The following UBA6 variants were observed in gnomAD, a reference collection of about 807,000 sequenced individuals.
The protein encoded by UBA6 is ubiquitin-like modifier-activating enzyme 6.
Under a neutral mutation model 148.3 loss-of-function variants are expected in UBA6, and 87 were observed. That is an observed-to-expected ratio of 0.59 (90% confidence interval 0.49 to 0.70). UBA6 has a LOEUF of 0.70. Ranked by LOEUF, UBA6 falls within the 30% of genes least tolerant of loss-of-function variation. The probability of loss-of-function intolerance (pLI) is 0.00; values close to 1 mark genes in which losing one functional copy is unlikely to be tolerated. For missense variants in UBA6, 1,186 were observed against 1,241.2 expected (o/e 0.96, Z 0.67); for synonymous variants, 376 against 401.0 (o/e 0.94, Z 0.75).
chr4:67,665,112 A>C, intron 10 of UBA6, 77 bp downstream of exon 10: 1 of 776,744 alleles, frequency 1.3e-6, no homozygotes, highest in Non-Finnish European at 2.0e-6. Context: ...TGTTTGGTTA[A>C]CTGAGTAGTT....
chr4:67,633,318 T>G, intron 23 of UBA6, 27 bp downstream of exon 23: 1 of 1,548,950 alleles, frequency 6.5e-7, no homozygotes. Context: ...TCAGACCTTT[T>G]CTTAATGTCT....
intron 17 of UBA6, among the ~76,000 whole-genome samples, chr4:67,642,963 C>T (rs1384617952): frequency 1.3e-5 from 2 of 151,824 alleles, no homozygotes; most frequent in Middle Eastern, 3.2e-3. Flanking sequence ...TGTCCATTCT[C>T]ACCTCAGTTA....
At chr4:67,672,204 C>G (rs753402401) in intron 7 of UBA6, among the ~76,000 whole-genome samples, 2 of 152,014 alleles carry the variant, frequency 1.3e-5, no homozygotes, top group African/African-American at 4.8e-5. Flanking sequence ...TTATTGAGGA[C>G]CCAAAGAGCT....
At chr4:67,698,572 C>G (rs1730895441) in intron 1 of UBA6, among the ~76,000 whole-genome samples, 1 of 152,178 alleles carries the variant, frequency 6.6e-6, no homozygotes, top group Non-Finnish European at 1.5e-5. Context: ...GCAAATGGCA[C>G]TGCCAGGATC....
chr4:67,656,507 C>G (rs1368779554), intron 13 of UBA6, among the ~76,000 whole-genome samples: 1 of 152,126 alleles, frequency 6.6e-6, no homozygotes, highest in African/African-American at 2.4e-5. Context: ...TCTCAATGAA[C>G]TAGGTATTGA....
chr4:67,680,762 G>A (rs1193104791), intron 4 of UBA6, among the ~76,000 whole-genome samples: 4 of 152,232 alleles, frequency 2.6e-5, no homozygotes, highest in Non-Finnish European at 4.4e-5. Flanking sequence ...GACTTGTCTT[G>A]TTAACACACT....
intron 13 of UBA6, among the ~76,000 whole-genome samples, chr4:67,655,397 G>A (rs915835795): frequency 5.9e-5 from 9 of 152,184 alleles, no homozygotes; most frequent in East Asian, 1.9e-4. Flanking sequence ...ACTCAAAACC[G>A]CACAACTACA....
rs1384546253 is a variant in UBA6, at chr4:67,668,458, T to TAGAGAGACATGTCAA, written c.793+92_793+93insTTGACATGTCTCTCT. ...GAGGCCAAGGGCTTTGGATCATGTCTCTCTGAGTTGACATTCTGTTCCCAA... is the reference window on the plus strand; with the variant it reads ...GAGGCCAAGGGCTTTGGATCATGTCTAGAGAGACATGTCAACTCTGAGTTGACATTCTGTTCCCAA... On this transcript the variant is annotated intron_variant, in intron 9 of 32. Coordinates refer to ENST00000322244, the MANE Select transcript of UBA6 (RefSeq NM_018227.6). The TAGAGAGACATGTCAA allele has an allele frequency of 5.7e-5, 69 of 1,213,616 alleles. No homozygotes were observed. In the African/African-American group the frequency reaches 9.6e-4, roughly 17 times the overall value. The allele number at this position is 1,213,616 out of a possible 1,614,324, so 75.2% of individuals were successfully genotyped here. A position where few individuals can be genotyped will look rare whatever the true frequency, so the allele number is the denominator to read the frequency against.
chr4:67,629,730 G>A (rs183557769), intron 26 of UBA6, among the ~76,000 whole-genome samples: 23 of 152,106 alleles, frequency 1.5e-4, no homozygotes, highest in Non-Finnish European at 2.2e-4. Context: ...TTCCCAAAAA[G>A]AATATCAGAC....
At chr4:67,638,887 A>G in intron 19 of UBA6, 56 bp downstream of exon 19, 1 of 1,328,150 alleles carries the variant, frequency 7.5e-7, no homozygotes, top group Admixed American at 1.9e-5. Flanking sequence ...GTAATGTGGG[A>G]AACAGAAGTG....
Position 67,682,205 on chromosome 4 carries a change from C to T in UBA6, c.143G>A (p.Arg48Lys), listed in dbSNP as rs1730459885. ...CATTGCTGTGTCTCCAAGAACGTAC[C>T]TCTGTCGACTACACGGAAAACACAA... is the stretch of plus-strand genomic sequence containing the variant. ...EIDDALYSRQ[R>K]YVLGDTAMQK... Residue 48 changes from arginine to lysine, a missense_variant, in exon 3 of 33, where the codon AGG becomes AAG. Physicochemically the swap from Arg to Lys is conservative, Grantham distance 26. Transcript: ENST00000322244. 1 of 1,612,906 alleles carries T rather than the reference C, an allele frequency of 6.2e-7. No homozygotes were observed. Among genetic ancestry groups the T allele is most frequent in the Admixed American group, 1.7e-5 (1 of 59,934 alleles).
chr4:67,688,985 TATG>T (rs1730633522), intron 2 of UBA6, among the ~76,000 whole-genome samples: 1 of 152,088 alleles, frequency 6.6e-6, no homozygotes, highest in South Asian at 2.1e-4. Flanking sequence ...GTTCCTGACT[TATG>T]ATGGTCTAAC....
intron 18 of UBA6, 64 bp downstream of exon 18, chr4:67,641,087 T>A: frequency 1.0e-6 from 1 of 997,940 alleles, no homozygotes; most frequent in Non-Finnish European, 1.5e-6. Context: ...ATTTTCTATT[T>A]ATTAAAAGGA....
At position 67,638,926 on chromosome 4, in the gene UBA6, G is replaced by T. The variant is rs1226371239; in HGVS notation, c.1736+17C>A. Reference sequence around the variant, plus strand: ...ACTAAAGACAATTCTGTAGGAACATGAATTTCAAGAACATACCTGTCTACG... The same window carrying T: ...ACTAAAGACAATTCTGTAGGAACATTAATTTCAAGAACATACCTGTCTACG... On this transcript the variant is annotated intron_variant, in intron 19 of 32. Transcript: ENST00000322244. 1.3e-6 allele frequency: 2 copies of T among 1,564,628 alleles called. No individual in the cohort carries two copies. Among genetic ancestry groups the T allele is most frequent in the Non-Finnish European group, 1.7e-6 (2 of 1,148,080 alleles).
At chr4:67,661,977 C>A in intron 13 of UBA6, 2 of 462,000 alleles carry the variant, frequency 4.3e-6, no homozygotes, top group Non-Finnish European at 7.6e-6. Flanking sequence ...AAGTACTTTA[C>A]AAAATTAAAT....
intron 1 of UBA6, among the ~76,000 whole-genome samples, chr4:67,698,478 A>C (rs78579441): frequency 1.4e-3 from 217 of 152,342 alleles, no homozygotes; most frequent in African/African-American, 4.9e-3. Context: ...ACAGTGGGCA[A>C]GCACTATTGC....
rs758231247 is a variant in UBA6, at chr4:67,622,866, A to G, written c.2988T>C (p.Pro996=). 4.3e-6 allele frequency: 7 copies of G among 1,613,222 alleles called. No homozygotes were observed. The East Asian group carries it at 1.6e-4, about 36-fold the overall frequency. ...ATCTTTTTGCATGACCAGGCATTAC[A>G]GGAACATAAAGCATTTTGACTCCCT... ...VVQGVKMLYV[P]VMPGHAKRLK... is the part of the protein sequence containing the mutation. Residue 996 remains proline (P), a synonymous_variant, in exon 32 of 33, where the codon CCT becomes CCC. Transcript: ENST00000322244.
chr4:67,668,706 C>T lies in UBA6; in HGVS notation c.670-32G>A, dbSNP rs565824507. ...ATAAGAGTAATCTATTAAAAAAGAA[C>T]TTCTTTTTTGTATTCTTTGTGTACA... On this transcript the variant is annotated intron_variant, in intron 8 of 32. Transcript: ENST00000322244. The T allele has an allele frequency of 4.4e-6, 7 of 1,577,830 alleles. No individual in the cohort carries two copies. In the East Asian group the frequency reaches 1.1e-4, roughly 25 times the overall value.
chr4:67,674,943 C>T (rs1730241278), intron 6 of UBA6, among the ~76,000 whole-genome samples: 1 of 152,100 alleles, frequency 6.6e-6, no homozygotes, highest in Non-Finnish European at 1.5e-5. Flanking sequence ...GGGCTCACTG[C>T]AAAACAACCT....
Sources: gnomAD v4.1 joint callset for allele counts (sites outside exome capture counted in the v4.1 genomes callset) on GRCh38, gnomAD v4.1.1 for gene constraint, MANE v1.5 for transcripts, NCBI Gene and HGNC (gene_info 2026-07-23, HGNC 2026-07-21) for gene names.